The following LARGE1 variants were observed in gnomAD, a reference collection of about 807,000 sequenced individuals.
LARGE1 encodes the protein xylosyl- and glucuronyltransferase LARGE1.
Under a neutral mutation model 87.6 loss-of-function variants are expected in LARGE1, and 43 were observed. The observed-to-expected ratio is 0.49, with a 90% CI of 0.38 to 0.63. The LOEUF (loss-of-function observed/expected upper bound fraction) is 0.63, where lower values mean the gene tolerates loss of function less well. LARGE1 is among the 30% of genes least tolerant of loss of function. The pLI, the probability that LARGE1 is intolerant of heterozygous loss-of-function variation, is 0.00. For synonymous variants in LARGE1, 434 were observed against 394.6 expected, an observed-to-expected ratio of 1.10 and a Z score of -1.18; for missense variants, 802 against 1,000.2, an observed-to-expected ratio of 0.80 and a Z score of 2.67.
At chr22:33,518,475 A>C (rs2071413122) in intron 6 of LARGE1, among the ~76,000 whole-genome samples, 1 of 152,112 alleles carries the variant, frequency 6.6e-6, no homozygotes, top group South Asian at 2.1e-4. Flanking sequence ...TGCCTGGCTA[A>C]TTTTTGTATT....
intron 6 of LARGE1, among the ~76,000 whole-genome samples, chr22:33,553,622 A>T (rs1433985869): frequency 2.6e-5 from 4 of 152,190 alleles, no homozygotes; most frequent in Admixed American, 6.5e-5. Flanking sequence ...TTTGAAATGT[A>T]TCATGTCACG....
chr22:33,913,472 T>C (rs1428444512), intron 1 of LARGE1, among the ~76,000 whole-genome samples: 1 of 152,206 alleles, frequency 6.6e-6, no homozygotes, highest in Non-Finnish European at 1.5e-5. Context: ...TGCAATACAG[T>C]TGAATATTAG....
At chr22:33,861,576 C>T (rs1415840099) in intron 1 of LARGE1, 1 of 152,278 alleles carries the variant, frequency 6.6e-6, no homozygotes, top group Non-Finnish European at 1.5e-5. Context: ...GCCACGCAGA[C>T]ACGCCTGGCC....
At chr22:33,847,989 G>A (rs192855031) in intron 1 of LARGE1, among the ~76,000 whole-genome samples, 7 of 152,276 alleles carry the variant, frequency 4.6e-5, no homozygotes, top group East Asian at 3.9e-4. Context: ...CTGTTTCAAC[G>A]TTGCCAGAGT....
chr22:33,307,230 T>C (rs1412693593), intron 11 of LARGE1, among the ~76,000 whole-genome samples: 1 of 152,162 alleles, frequency 6.6e-6, no homozygotes, highest in African/African-American at 2.4e-5. Flanking sequence ...ATAGTAACTA[T>C]AATATTGAGA....
At chr22:33,787,950 T>C (rs2085703488) in intron 1 of LARGE1, among the ~76,000 whole-genome samples, 1 of 152,236 alleles carries the variant, frequency 6.6e-6, no homozygotes, top group Non-Finnish European at 1.5e-5. Context: ...CTTAAGAAGA[T>C]GTGGCCAAAC....
chr22:33,473,680 G>A (rs770327045), intron 6 of LARGE1, among the ~76,000 whole-genome samples: 2 of 152,176 alleles, frequency 1.3e-5, no homozygotes, highest in Non-Finnish European at 2.9e-5. Flanking sequence ...CCTGACCTCA[G>A]GTGATCCACC....
chr22:33,105,163 A>G, the LARGE1 span, among the ~76,000 whole-genome samples: 4 of 145,150 alleles, frequency 2.8e-5, no homozygotes, highest in East Asian at 2.0e-4. Flanking sequence ...AAGCCCCGCT[A>G]TTTTTTTTTT....
At chr22:33,298,105 C>T (rs201373663) in intron 12 of LARGE1, among the ~76,000 whole-genome samples, 1 of 152,072 alleles carries the variant, frequency 6.6e-6, no homozygotes, top group African/African-American at 2.4e-5. Context: ...CTTGGAAATG[C>T]CACGATGTCT....
chr22:33,260,724 C>A (rs1391888204), intron 11 of LARGE1, among the ~76,000 whole-genome samples: 1 of 152,166 alleles, frequency 6.6e-6, no homozygotes, highest in East Asian at 1.9e-4. Context: ...CTTGAGAAAA[C>A]CCGTGGAAGA....
At chr22:33,198,695 T>C (rs1302371146) in intron 11 of LARGE1, among the ~76,000 whole-genome samples, 1 of 148,200 alleles carries the variant, frequency 6.7e-6, no homozygotes, top group Non-Finnish European at 1.5e-5. Context: ...AATACTATAC[T>C]ACATGGAATG....
Position 33,626,330 on chromosome 22 carries a change from G to A in LARGE1, c.409-4C>T. ...AGACAATAGCAACGTGGATTGTCTG[G>A]GAAGAAAAGAAGACGGGGTGAGCAG... On this transcript the variant is annotated splice_region_variant and splice_polypyrimidine_tract_variant and intron_variant, in intron 3 of 14. Coordinates refer to ENST00000397394, the MANE Select transcript of LARGE1 (RefSeq NM_133642.5). 6.2e-7 allele frequency: 1 copy of A among 1,613,296 alleles called. No homozygotes were observed. Among genetic ancestry groups the A allele is most frequent in the Non-Finnish European group, 8.5e-7 (1 of 1,179,358 alleles).
rs760643048 is a variant in LARGE1 at position 33,185,644 on chromosome 22, G to A, written c.1731-18812C>T. ...GATCTTGAGAGGGAAGAGTCTGTGC[G>A]TGTGTGAGGAAGGGGTGTATGAGAA... On this transcript the variant is annotated intron_variant, in intron 11 of 11. Coordinates refer to the LARGE1 transcript ENST00000608642. Among the ~76,000 whole-genome samples, 34 of 152,100 alleles carry A rather than the reference G, an allele frequency of 2.2e-4. 1 individual carries two copies. Among genetic ancestry groups the A allele is most frequent in the Admixed American group, 1.6e-3 (25 of 15,270 alleles).
intron 1 of LARGE1, among the ~76,000 whole-genome samples, chr22:33,883,213 C>A (rs1038381834): frequency 6.6e-6 from 1 of 152,116 alleles, no homozygotes; most frequent in Non-Finnish European, 1.5e-5. Context: ...TGTCGGGGAG[C>A]GCTGCTTTGC....
At chr22:33,442,716 G>A (rs1233766349) in intron 6 of LARGE1, among the ~76,000 whole-genome samples, 1 of 151,794 alleles carries the variant, frequency 6.6e-6, no homozygotes, top group Non-Finnish European at 1.5e-5. Flanking sequence ...ATGGACAGCT[G>A]CCCTATGAGC....
chr22:33,648,388 C>T (rs929896601), intron 3 of LARGE1, among the ~76,000 whole-genome samples: 2 of 152,112 alleles, frequency 1.3e-5, no homozygotes, highest in African/African-American at 2.4e-5. Context: ...TTCCCCTCCT[C>T]GATTCTTATT....
At chr22:33,118,957 C>A in the LARGE1 span, among the ~76,000 whole-genome samples, 1 of 152,152 alleles carries the variant, frequency 6.6e-6, no homozygotes, top group Non-Finnish European at 1.5e-5. Flanking sequence ...TGTGGGTGAA[C>A]AATCTATGTG....
At chr22:33,732,025 T>C (rs2083487263) in intron 2 of LARGE1, among the ~76,000 whole-genome samples, 2 of 152,204 alleles carry the variant, frequency 1.3e-5, no homozygotes, top group African/African-American at 4.8e-5. Flanking sequence ...TACTATGTCT[T>C]CTGAAATCAC....
chr22:33,609,977 C>T (rs762541597), intron 4 of LARGE1, among the ~76,000 whole-genome samples: 1 of 152,142 alleles, frequency 6.6e-6, no homozygotes, highest in Non-Finnish European at 1.5e-5. Context: ...GTTCCTGCTT[C>T]ACCTTCTGCC....
Sources: allele counts gnomAD v4.1 joint callset (sites outside exome capture counted in the v4.1 genomes callset), GRCh38; gene constraint gnomAD v4.1.1; transcripts MANE v1.5; gene names NCBI Gene and HGNC (gene_info 2026-07-23, HGNC 2026-07-21).